TMPRSS6: variants seen among roughly 807,000 people sequenced by gnomAD.
The protein encoded by TMPRSS6 is transmembrane serine protease 6.
A neutral mutation model predicts 101.5 loss-of-function variants in TMPRSS6; 67 were observed. The observed-to-expected ratio is 0.66, with a 90% CI of 0.54 to 0.81. TMPRSS6 has a LOEUF of 0.81. TMPRSS6 is among the 30% of genes least tolerant of loss of function. The probability of loss-of-function intolerance (pLI) is 0.00; values close to 1 mark genes in which losing one functional copy is unlikely to be tolerated. For missense variants in TMPRSS6, 1,034 were observed against 1,088.7 expected (o/e 0.95, Z 0.71); for synonymous variants, 453 against 464.9 (o/e 0.97, Z 0.33).
At chr22:37,068,678 A>G (rs748198487) in intron 16 of TMPRSS6, 4 of 779,596 alleles carry the variant, frequency 5.1e-6, no homozygotes, top group Non-Finnish European at 9.6e-6. Flanking sequence ...ATCCGCCCGT[A>G]GGGCTGTTGG....
chr22:37,067,935 G>A (rs1459914422), intron 16 of TMPRSS6, among the ~76,000 whole-genome samples: 17 of 72,168 alleles, frequency 2.4e-4, no homozygotes, highest in Admixed American at 1.5e-3. Context: ...GGCTGCGGAT[G>A]TTCTCACATC....
chr22:37,066,966 T>A lies in TMPRSS6; in HGVS notation c.2114-4A>T, dbSNP rs1475532765. ...TGCAGAGCGTTGCTGATGGGGCCTG[T>A]CCGTGGTCAAGGGCAGAAGTGAGAT... On this transcript the variant is annotated splice_polypyrimidine_tract_variant and splice_region_variant and intron_variant, in intron 16 of 17. Coordinates refer to ENST00000676104, the MANE Select transcript of TMPRSS6 (RefSeq NM_001374504.1). The A allele has an allele frequency of 1.2e-6, 2 of 1,614,152 alleles. No individual in the cohort carries two copies. The highest frequency in any genetic ancestry group is 3.3e-5 in the Admixed American group (2 of 60,022).
chr22:37,089,295 A>G (rs1418339183), intron 7 of TMPRSS6, among the ~76,000 whole-genome samples: 1 of 152,120 alleles, frequency 6.6e-6, no homozygotes, highest in Non-Finnish European at 1.5e-5. Flanking sequence ...AAACATCCCA[A>G]CAAGCCACGG....
intron 8 of TMPRSS6, among the ~76,000 whole-genome samples, 163 bp downstream of exon 8, chr22:37,086,120 G>A (rs1016219958): frequency 6.6e-6 from 1 of 150,822 alleles, no homozygotes; most frequent in Admixed American, 6.6e-5. Flanking sequence ...GGAAGGAAGA[G>A]GGGGGCCGGG....
At chr22:37,109,006 C>A (rs987958563) in intron 1 of TMPRSS6, among the ~76,000 whole-genome samples, 2 of 152,114 alleles carry the variant, frequency 1.3e-5, no homozygotes, top group African/African-American at 4.8e-5. Flanking sequence ...TAGATGCACG[C>A]CCTTCCTACA....
At chr22:37,068,770 A>C (rs372475952) in intron 16 of TMPRSS6, 7 of 744,810 alleles carry the variant, frequency 9.4e-6, no homozygotes, top group South Asian at 7.2e-5. Context: ...CCACCCTTGC[A>C]GCCCAAGGAA....
chr22:37,086,903 G>A (rs1338745354), intron 7 of TMPRSS6, among the ~76,000 whole-genome samples: 1 of 152,164 alleles, frequency 6.6e-6, no homozygotes. Context: ...CCAGAAATCT[G>A]CCCAGAGCTT....
At chr22:37,088,904 G>A (rs9610647) in intron 7 of TMPRSS6, among the ~76,000 whole-genome samples, 58,179 of 152,084 alleles carry the variant, frequency 0.38, 11,276 homozygotes, top group East Asian at 0.41. Flanking sequence ...GGTTCTAAGA[G>A]GCAAAGTAAC....
At position 37,069,138 on chromosome 22, in the gene TMPRSS6, C is replaced by T; in HGVS notation, c.2048G>A (p.Arg683His). The change falls in exon 16 of 18, where the codon CGC becomes CAC. Residue 683 changes from arginine (R) to histidine (H), a missense_variant. Physicochemically the swap from Arg to His is conservative, Grantham distance 29 (BLOSUM62 0). Coordinates refer to ENST00000676104, the MANE Select transcript of TMPRSS6 (RefSeq NM_001374504.1). The surrounding 1 kb of genome is among the most constrained non-coding windows in gnomAD (Gnocchi z 4.8). ...AAVRPVCLPA[R>H]SHFFEPGLHC... is the part of the protein sequence containing the mutation. ...CAGGCCGGGCTCGAAGAAGTGGGAGCGCGCGGGCAGGCAGACGGGGCGCAC... is the reference window on the plus strand; with the variant it reads ...CAGGCCGGGCTCGAAGAAGTGGGAGTGCGCGGGCAGGCAGACGGGGCGCAC... The T allele has an allele frequency of 1.3e-6, 2 of 1,569,590 alleles. No homozygotes were observed. Among genetic ancestry groups the T allele is most frequent in the Non-Finnish European group, 8.6e-7 (1 of 1,159,364 alleles).
intron 10 of TMPRSS6, among the ~76,000 whole-genome samples, chr22:37,078,998 A>G (rs1928027269): frequency 6.6e-6 from 1 of 150,852 alleles, no homozygotes; most frequent in African/African-American, 2.5e-5. Context: ...AGAAAGAAAG[A>G]AAGAAAGAAA....
intron 10 of TMPRSS6, among the ~76,000 whole-genome samples, chr22:37,081,185 C>T (rs1205362295): frequency 6.6e-6 from 1 of 152,240 alleles, no homozygotes; most frequent in African/African-American, 2.4e-5. Flanking sequence ...CTGCCCAGAG[C>T]AGAGTGAGAG....
chr22:37,094,069 C>G (rs557985544), intron 6 of TMPRSS6, among the ~76,000 whole-genome samples: 73 of 152,072 alleles, frequency 4.8e-4, no homozygotes, highest in African/African-American at 1.6e-3. Context: ...CAAAATCAGG[C>G]AGCAATTGAC....
At chr22:37,104,703 G>A (rs968804213) in intron 1 of TMPRSS6, among the ~76,000 whole-genome samples, 1 of 152,142 alleles carries the variant, frequency 6.6e-6, no homozygotes, top group Non-Finnish European at 1.5e-5. Context: ...GCTCACGCCT[G>A]TAATCCCAAC....
At chr22:37,070,389 C>T (rs1926770989) in intron 15 of TMPRSS6, 95 bp downstream of exon 15, 1 of 1,527,718 alleles carries the variant, frequency 6.5e-7, no homozygotes, top group African/African-American at 1.4e-5. Context: ...CCACCCTTCC[C>T]TCTATCTGCA....
chr22:37,076,362 C>T (rs1206975567), intron 10 of TMPRSS6, among the ~76,000 whole-genome samples: 1 of 152,170 alleles, frequency 6.6e-6, no homozygotes, highest in Non-Finnish European at 1.5e-5. Context: ...CTGTGCATGG[C>T]CACACGGGGT....
At chr22:37,083,761 A>G (rs1682901871) in intron 10 of TMPRSS6, among the ~76,000 whole-genome samples, 1 of 152,208 alleles carries the variant, frequency 6.6e-6, no homozygotes, top group South Asian at 2.1e-4. Context: ...CAAGGGCAAG[A>G]GCAGGGAAGA....
intron 7 of TMPRSS6, among the ~76,000 whole-genome samples, chr22:37,088,155 A>C (rs1386540078): frequency 6.6e-6 from 1 of 152,040 alleles, no homozygotes; most frequent in East Asian, 1.9e-4. Flanking sequence ...AAGTGTCCCC[A>C]CCCTTTTTGG....
At chr22:37,072,279 GGATGGATGGATGATGGATGGATGGATGAT>G in intron 13 of TMPRSS6, among the ~76,000 whole-genome samples, 1 of 140,916 alleles carries the variant, frequency 7.1e-6, no homozygotes, top group African/African-American at 2.9e-5. Flanking sequence ...ATGGTTGCAT[GGATGGATGGATGATGGATGGATGGATGAT>G]GGATGGATGG....
At chr22:37,100,347 A>G (rs1450129600) in intron 2 of TMPRSS6, among the ~76,000 whole-genome samples, 1 of 152,240 alleles carries the variant, frequency 6.6e-6, no homozygotes, top group Admixed American at 6.5e-5. Context: ...AAAGGCTCTA[A>G]GGAGGCAGGG....
Sources: gnomAD v4.1 joint callset for allele counts (sites outside exome capture counted in the v4.1 genomes callset) on GRCh38, gnomAD v4.1.1 for gene constraint, Gnocchi (gnomAD v3.1) non-coding constraint, MANE v1.5 for transcripts, NCBI Gene and HGNC (gene_info 2026-07-23, HGNC 2026-07-21) for gene names.